Variants in TENM3 observed in about 807,000 individuals in gnomAD.
TENM3 encodes teneurin-3.
Under a neutral mutation model 255.1 loss-of-function variants are expected in TENM3, and 63 were observed. That is an observed-to-expected ratio of 0.25 (90% CI 0.20 to 0.30). TENM3 has a LOEUF of 0.30. Among genes scored for constraint, TENM3 ranks in the 10% least tolerant of loss-of-function variants. TENM3 has a pLI of 1.00. For synonymous variants in TENM3, 1,306 were observed against 1,322.3 expected, an observed-to-expected ratio of 0.99 and a Z score of 0.27; for missense variants, 2,929 against 3,461.1, an observed-to-expected ratio of 0.85 and a Z score of 3.86.
chr4:182,771,140 C>T (rs771905695), intron 22 of TENM3, among the ~76,000 whole-genome samples: 24 of 152,230 alleles, frequency 1.6e-4, no homozygotes, highest in Admixed American at 5.2e-4. Context: ...GAATGCCTGC[C>T]CAGCAGGGAA....
Position 182,688,262 on chromosome 4 carries a change from C to G in TENM3, c.2132C>G (p.Ala711Gly). ...ACGGGCCCAGCCTGTAATCAGAGAG[C>G]CTGCCACCCCCGCTGTGCCGAGCAC... ...GWTGPACNQR[A>G]CHPRCAEHGT... Residue 711 changes from alanine to glycine, a missense_variant, in exon 12 of 28, where the codon GCC (alanine) becomes GGC (glycine). By Grantham distance (60) the Ala-to-Gly change is moderately conservative. This residue lies in a region of TENM3 where 1,608 missense variants were observed against 1,884.4 expected (regional missense o/e 0.85). Transcript: ENST00000511685. 1 of 1,613,934 alleles carries G rather than the reference C, an allele frequency of 6.2e-7. No homozygotes were observed. The highest frequency in any genetic ancestry group is 1.7e-5 in the Admixed American group (1 of 60,022).
the TENM3 span, among the ~76,000 whole-genome samples, chr4:181,755,662 T>C: frequency 0.034 from 5,248 of 152,220 alleles, 129 homozygotes; most frequent in Middle Eastern, 0.1. Context: ...CCAGAAGAGA[T>C]ACTATAACAT....
At chr4:182,710,331 G>A (rs761986416) in intron 12 of TENM3, among the ~76,000 whole-genome samples, 9 of 152,000 alleles carry the variant, frequency 5.9e-5, no homozygotes, top group Non-Finnish European at 1.0e-4. Flanking sequence ...GCATGGAGAA[G>A]GAATTATAAA....
chr4:181,740,308 T>C, the TENM3 span, among the ~76,000 whole-genome samples: 2 of 152,184 alleles, frequency 1.3e-5, no homozygotes, highest in Non-Finnish European at 2.9e-5. Context: ...TTAACAATTA[T>C]GAAAAATTCA....
chr4:181,897,096 C>G, the TENM3 span, among the ~76,000 whole-genome samples: 1 of 152,208 alleles, frequency 6.6e-6, no homozygotes, highest in Admixed American at 6.5e-5. Context: ...TAGGGATTCA[C>G]CCTAGCCCAA....
intron 3 of TENM3, among the ~76,000 whole-genome samples, chr4:182,451,851 T>C (rs1773488709): frequency 6.6e-6 from 1 of 152,226 alleles, no homozygotes; most frequent in African/African-American, 2.4e-5. Context: ...TTTATGTTTA[T>C]AATTTATTTC....
At chr4:182,780,306 A>G (rs1052147774) in intron 24 of TENM3, among the ~76,000 whole-genome samples, 131 of 136,290 alleles carry the variant, frequency 9.6e-4, no homozygotes, top group Non-Finnish European at 1.0e-3. Flanking sequence ...CATTTATTAA[A>G]TGGGGAATCC....
the TENM3 span, among the ~76,000 whole-genome samples, chr4:181,516,893 C>T: frequency 1.3e-5 from 2 of 152,152 alleles, no homozygotes; most frequent in Non-Finnish European, 2.9e-5. Flanking sequence ...ACTATTATTT[C>T]CCTTTTACAG....
chr4:182,138,545 A>G, the TENM3 span, among the ~76,000 whole-genome samples: 1 of 152,164 alleles, frequency 6.6e-6, no homozygotes, highest in Non-Finnish European at 1.5e-5. Flanking sequence ...ACAAACAAAG[A>G]TTGTTTCCCC....
At chr4:181,578,777 CTCT>C in the TENM3 span, among the ~76,000 whole-genome samples, 14 of 152,300 alleles carry the variant, frequency 9.2e-5, no homozygotes, top group South Asian at 6.2e-4. Context: ...GTGTCCTAAT[CTCT>C]TCTTCTTATA....
At chr4:182,167,825 A>G (rs968369688) in intron 1 of TENM3, among the ~76,000 whole-genome samples, 3 of 152,162 alleles carry the variant, frequency 2.0e-5, no homozygotes, top group African/African-American at 7.2e-5. Context: ...GTGGAGGTGC[A>G]GTGAGCTGAG....
At chr4:181,966,174 C>T in the TENM3 span, among the ~76,000 whole-genome samples, 1 of 152,122 alleles carries the variant, frequency 6.6e-6, no homozygotes, top group Admixed American at 6.5e-5. Flanking sequence ...CATGAAGTAT[C>T]ATGGCACACA....
the TENM3 span, among the ~76,000 whole-genome samples, chr4:181,786,386 A>G: frequency 3.3e-5 from 5 of 152,150 alleles, no homozygotes; most frequent in East Asian, 9.6e-4. Flanking sequence ...ACAAAATATG[A>G]GCTCAGAGGG....
the TENM3 span, among the ~76,000 whole-genome samples, chr4:181,841,451 A>G: frequency 4.6e-5 from 7 of 152,102 alleles, no homozygotes; most frequent in Admixed American, 1.3e-4. Context: ...AATGCCTGCA[A>G]TCTCCATTTT....
chr4:182,484,747 A>C (rs1734538510), intron 3 of TENM3, among the ~76,000 whole-genome samples: 1 of 152,150 alleles, frequency 6.6e-6, no homozygotes. Context: ...AGTTACTGAT[A>C]ATTGTGTGAT....
chr4:181,780,522 G>T, the TENM3 span, among the ~76,000 whole-genome samples: 1 of 152,150 alleles, frequency 6.6e-6, no homozygotes. Context: ...GTTATTTGTA[G>T]ATTCTGGATA....
rs1276923902 is a variant in TENM3 at position 182,781,632 on chromosome 4, C to G, written c.5304+6479C>G. Among the ~76,000 whole-genome samples the G allele has an allele frequency of 9.1e-3, 1,376 of 150,540 alleles. 8 individuals carry two copies. Among genetic ancestry groups the G allele is most frequent in the Non-Finnish European group, 0.014 (969 of 67,444 alleles). On this transcript the variant is annotated intron_variant, in intron 24 of 27. Transcript: ENST00000511685. ...TGGAATAGTTTCAGAAGGAATGGTA[C>G]CAGTTCCTCCTTGTACCTCTGGTAG... is the stretch of plus-strand genomic sequence containing the variant.
chr4:181,824,907 G>A, the TENM3 span, among the ~76,000 whole-genome samples: 4 of 152,178 alleles, frequency 2.6e-5, no homozygotes, highest in Admixed American at 6.5e-5. Context: ...TAAGACCACC[G>A]GGCACTCACT....
the TENM3 span, among the ~76,000 whole-genome samples, chr4:181,955,090 T>C: frequency 1.3e-5 from 2 of 152,222 alleles, no homozygotes; most frequent in Non-Finnish European, 1.5e-5. Context: ...CATAAGACTT[T>C]TTAAAAATCT....
Sources: gnomAD v4.1 joint callset for allele counts (sites outside exome capture counted in the v4.1 genomes callset) on GRCh38, gnomAD v4.1.1 for gene constraint, gnomAD v4.1.1 regional missense constraint, MANE v1.5 for transcripts, NCBI Gene and HGNC (gene_info 2026-07-23, HGNC 2026-07-21) for gene names.